Variants in NOS1AP observed in about 807,000 individuals in gnomAD.
The protein encoded by NOS1AP is carboxyl-terminal PDZ ligand of neuronal nitric oxide synthase protein.
NOS1AP carries 21 observed loss-of-function variants against 56.2 expected under a neutral mutation model. The observed-to-expected ratio is 0.37, with a 90% CI of 0.26 to 0.54. The LOEUF is 0.54. Among genes scored for constraint, NOS1AP ranks in the 20% least tolerant of loss-of-function variants. NOS1AP has a pLI of 0.84. For missense variants in NOS1AP, 522 were observed against 657.8 expected (o/e 0.79, Z 2.26); for synonymous variants, 270 against 274.6 (o/e 0.98, Z 0.17).
intron 3 of NOS1AP, among the ~76,000 whole-genome samples, chr1:162,298,869 T>C (rs1655553739): frequency 6.6e-6 from 1 of 152,150 alleles, no homozygotes; most frequent in Non-Finnish European, 1.5e-5. Flanking sequence ...AATAGAGATA[T>C]TAGAACTGAA....
intron 2 of NOS1AP, among the ~76,000 whole-genome samples, chr1:162,264,440 C>CTTCTA (rs1654340220): frequency 1.3e-4 from 1 of 7,734 alleles, no homozygotes; most frequent in Admixed American, 1.2e-3. Context: ...CTTCTCTTCT[C>CTTCTA]TTCTCTTCTC....
At chr1:162,081,767 TATATA>T (rs1691895845) in intron 1 of NOS1AP, among the ~76,000 whole-genome samples, 1 of 33,638 alleles carries the variant, frequency 3.0e-5, no homozygotes, top group African/African-American at 6.2e-5. Flanking sequence ...TATATATATA[TATATA>T]TATTTTTTTT....
At chr1:162,183,889 T>G (rs550247055) in intron 2 of NOS1AP, among the ~76,000 whole-genome samples, 121 of 152,378 alleles carry the variant, frequency 7.9e-4, no homozygotes, top group Non-Finnish European at 1.4e-3. Flanking sequence ...TTATTATGCA[T>G]GTGTTCACTG....
chr1:162,353,978 C>T (rs921736804), intron 6 of NOS1AP, among the ~76,000 whole-genome samples: 4 of 152,250 alleles, frequency 2.6e-5, no homozygotes, highest in African/African-American at 9.6e-5. Context: ...TTCTGTTAAA[C>T]GCCTTTGCAG....
chr1:162,365,303 G>A, intron 8 of NOS1AP, 101 bp from the exon 9 acceptor site: 4 of 1,589,652 alleles, frequency 2.5e-6, no homozygotes, highest in Non-Finnish European at 3.4e-6. Flanking sequence ...TGAATGTGGA[G>A]GGCATCTCTG....
intron 8 of NOS1AP, among the ~76,000 whole-genome samples, chr1:162,360,270 C>A (rs1219136049): frequency 6.6e-6 from 1 of 152,218 alleles, no homozygotes; most frequent in African/African-American, 2.4e-5. Flanking sequence ...ATACCCAAGT[C>A]CCTCTGACCG....
intron 2 of NOS1AP, among the ~76,000 whole-genome samples, chr1:162,196,075 G>A (rs1482486262): frequency 6.6e-6 from 1 of 152,230 alleles, no homozygotes; most frequent in Non-Finnish European, 1.5e-5. Flanking sequence ...GTGTGAATGT[G>A]GGGGTTAAAG....
intron 1 of NOS1AP, among the ~76,000 whole-genome samples, chr1:162,146,307 A>G (rs951007931): frequency 6.6e-6 from 1 of 151,428 alleles, no homozygotes; most frequent in Non-Finnish European, 1.5e-5. Context: ...GGTGGGGAGC[A>G]GTTAAAATCT....
chr1:162,270,306 T>C (rs993589494), intron 2 of NOS1AP, among the ~76,000 whole-genome samples: 2 of 152,152 alleles, frequency 1.3e-5, no homozygotes, highest in African/African-American at 2.4e-5. Flanking sequence ...GTCCTTAAAA[T>C]TGGTTGAAAA....
intron 2 of NOS1AP, among the ~76,000 whole-genome samples, chr1:162,270,890 A>G (rs17425842): frequency 0.025 from 3,856 of 152,340 alleles, 69 homozygotes; most frequent in Non-Finnish European, 0.038. Context: ...TCTCAGCCCT[A>G]GAGTGGCCTT....
chr1:162,288,694 T>C (rs1364741278), intron 3 of NOS1AP, among the ~76,000 whole-genome samples: 2 of 152,224 alleles, frequency 1.3e-5, no homozygotes, highest in East Asian at 1.9e-4. Flanking sequence ...GCTCCCTCAA[T>C]ACTTTCATTG....
intron 2 of NOS1AP, among the ~76,000 whole-genome samples, chr1:162,171,064 G>A (rs894710115): frequency 3.9e-5 from 6 of 152,208 alleles, no homozygotes; most frequent in African/African-American, 1.2e-4. Flanking sequence ...AGGGCCTCTG[G>A]GATGCCAACA....
intron 2 of NOS1AP, among the ~76,000 whole-genome samples, chr1:162,200,445 C>G (rs905959523): frequency 1.1e-4 from 16 of 152,206 alleles, no homozygotes; most frequent in African/African-American, 3.9e-4. Flanking sequence ...CCAGCCTTCC[C>G]TGGGTCCATG....
intron 2 of NOS1AP, among the ~76,000 whole-genome samples, chr1:162,168,752 T>C (rs1386958412): frequency 6.8e-6 from 1 of 147,412 alleles, no homozygotes; most frequent in East Asian, 1.9e-4. Context: ...TTTGAAAAAC[T>C]AAGATGAGGT....
intron 1 of NOS1AP, among the ~76,000 whole-genome samples, chr1:162,076,750 T>C (rs1691777788): frequency 6.6e-6 from 1 of 152,178 alleles, no homozygotes; most frequent in Non-Finnish European, 1.5e-5. Context: ...CTGTAATCCT[T>C]ACCCCCTGCG....
intron 1 of NOS1AP, among the ~76,000 whole-genome samples, chr1:162,111,941 TG>T (rs138222164): frequency 1.3e-5 from 2 of 152,220 alleles, no homozygotes; most frequent in Non-Finnish European, 2.9e-5. Flanking sequence ...ATGGCAGTGG[TG>T]GTTGGTAACA....
intron 4 of NOS1AP, among the ~76,000 whole-genome samples, chr1:162,321,731 A>AAAAATATATATATATATAT (rs1480278757): frequency 7.8e-6 from 1 of 128,494 alleles, no homozygotes; most frequent in African/African-American, 2.9e-5. Context: ...AAAAAAAAAA[A>AAAAATATATATATATATAT]ATATATATAT....
intron 2 of NOS1AP, among the ~76,000 whole-genome samples, chr1:162,205,481 G>A (rs980242512): frequency 2.0e-5 from 3 of 152,170 alleles, no homozygotes. Flanking sequence ...TAAGTGAATG[G>A]GGATCAAAGA....
At chr1:162,242,743 A>T (rs1483533065) in intron 2 of NOS1AP, among the ~76,000 whole-genome samples, 1 of 152,198 alleles carries the variant, frequency 6.6e-6, no homozygotes, top group Non-Finnish European at 1.5e-5. Flanking sequence ...GCCTCCAAGA[A>T]TTGAAGAAAG....
Sources: gnomAD v4.1 joint callset for allele counts (sites outside exome capture counted in the v4.1 genomes callset) on GRCh38, gnomAD v4.1.1 for gene constraint, MANE v1.5 for transcripts, NCBI Gene and HGNC (gene_info 2026-07-23, HGNC 2026-07-21) for gene names.